SLC7A8: variants seen among roughly 807,000 people sequenced by gnomAD.
SLC7A8 encodes the protein solute carrier family 7 member 8.
SLC7A8 carries 30 observed loss-of-function variants against 51.2 expected under a neutral mutation model. The observed-to-expected ratio is 0.59, with a 90% confidence interval of 0.44 to 0.80. The LOEUF (loss-of-function observed/expected upper bound fraction) is 0.80. Among genes scored for constraint, SLC7A8 ranks in the 30% least tolerant of loss-of-function variants. The probability of loss-of-function intolerance (pLI) is 0.00; values close to 1 mark genes in which losing one functional copy is unlikely to be tolerated. For synonymous variants in SLC7A8, 257 were observed against 275.8 expected (o/e 0.93, Z 0.67); for missense variants, 612 against 674.4 (o/e 0.91, Z 1.03).
At chr14:23,137,859 A>G in intron 7 of SLC7A8, 62 bp downstream of exon 7, 1 of 1,589,236 alleles carries the variant, frequency 6.3e-7, no homozygotes, top group Non-Finnish European at 8.5e-7. Context: ...CCCACCATAT[A>G]CAAATAGCAA....
chr14:23,139,165 T>C (rs1025934176), intron 6 of SLC7A8, among the ~76,000 whole-genome samples: 5 of 152,318 alleles, frequency 3.3e-5, no homozygotes, highest in Non-Finnish European at 4.4e-5. Flanking sequence ...AAATGTCTTA[T>C]AGCTTCTCAG....
chr14:23,179,796 C>T (rs949326905), intron 1 of SLC7A8, among the ~76,000 whole-genome samples: 26 of 151,676 alleles, frequency 1.7e-4, no homozygotes, highest in East Asian at 3.9e-4. Context: ...GGCAACACAG[C>T]GAGACACTGT....
chr14:23,155,313 C>CT, intron 3 of SLC7A8: 1 of 1,535,778 alleles, frequency 6.5e-7, no homozygotes, highest in Non-Finnish European at 8.7e-7. Context: ...AGGCACACAG[C>CT]TTTTACCAAA....
Position 23,129,661 on chromosome 14 carries a change from G to T in SLC7A8, c.1252C>A (p.Arg418Ser), listed in dbSNP as rs146946494. 5 of 1,614,120 alleles carry T rather than the reference G, an allele frequency of 3.1e-6. No homozygotes were observed. In the Admixed American group the frequency reaches 8.3e-5, roughly 27 times the overall value. Residue 418 changes from arginine to serine, a missense_variant, in exon 9 of 11, where the codon CGC (arginine) becomes AGC (serine). Arg to Ser is a moderately radical substitution (Grantham distance 110). Coordinates refer to ENST00000316902, the MANE Select transcript of SLC7A8 (RefSeq NM_012244.4). Reference sequence around the variant, plus strand: ...GGAGTTTCTCTCACCTTGATGGGGCGGGGGATATCAGGCTTCTTCCAGCGA... The same window carrying T: ...GGAGTTTCTCTCACCTTGATGGGGCTGGGGATATCAGGCTTCTTCCAGCGA... ...VLRWKKPDIPRPIKINLLFPI... is the reference protein window; with the variant it reads ...VLRWKKPDIPSPIKINLLFPI...
At chr14:23,139,326 T>C in intron 6 of SLC7A8, 98 bp downstream of exon 6, 2 of 1,578,090 alleles carry the variant, frequency 1.3e-6, no homozygotes, top group East Asian at 2.3e-5. Flanking sequence ...GATTTCCACT[T>C]CCACAAGGCC....
rs1296036086 is a variant in SLC7A8, at chr14:23,127,168, T to A, written c.*9A>T. 1 of 1,613,834 alleles carries A rather than the reference T, an allele frequency of 6.2e-7. No individual in the cohort carries two copies. The highest frequency in any genetic ancestry group is 8.5e-7 in the Non-Finnish European group (1 of 1,179,814). ...GAGGAAGGAGAGAGTAGCCAGGGAA[T>A]GGTGGTCCTCAGGGCTGGGGCTGCC... On this transcript the variant is annotated 3_prime_UTR_variant, in exon 11 of 11. Coordinates refer to ENST00000316902, the MANE Select transcript of SLC7A8 (RefSeq NM_012244.4).
intron 1 of SLC7A8, among the ~76,000 whole-genome samples, chr14:23,182,005 AC>A (rs1417699767): frequency 6.6e-6 from 1 of 152,054 alleles, no homozygotes; most frequent in Admixed American, 6.5e-5. Context: ...CACATATTTT[AC>A]CCATCAGTTC....
chr14:23,135,122 C>G (rs2048676873), intron 7 of SLC7A8, among the ~76,000 whole-genome samples: 1 of 151,888 alleles, frequency 6.6e-6, no homozygotes, highest in African/African-American at 2.4e-5. Context: ...GAGTCTTGCT[C>G]TGTTGCCCAG....
intron 3 of SLC7A8, among the ~76,000 whole-genome samples, chr14:23,143,691 G>C (rs1284428535): frequency 6.6e-6 from 1 of 152,184 alleles, no homozygotes; most frequent in Non-Finnish European, 1.5e-5. Context: ...AAAGTGTACA[G>C]TTTGATGAGA....
chr14:23,165,491 A>G lies in SLC7A8; in HGVS notation c.357-55T>C. ...GGCATGGCAGGGACGCAGAGCCATC[A>G]GGGGAGAGCCCGGGCAAGTCATGCA... On this transcript the variant is annotated intron_variant, in intron 2 of 10. Transcript: ENST00000316902. The surrounding 1 kb of genome is among the most constrained non-coding windows in gnomAD (Gnocchi z 4.2). 3.3e-6 allele frequency: 5 copies of G among 1,532,110 alleles called. No homozygotes were observed. The highest frequency in any genetic ancestry group is 4.4e-6 in the Non-Finnish European group (5 of 1,147,746). 94.9% of individuals were successfully genotyped at this position (1,532,110 alleles called of 1,614,324 possible).
chr14:23,152,565 C>T (rs144384396), intron 3 of SLC7A8, among the ~76,000 whole-genome samples: 336 of 152,116 alleles, frequency 2.2e-3, no homozygotes, highest in African/African-American at 7.9e-3. Context: ...AGGTGTGTGC[C>T]ACCAGGCCCA....
At chr14:23,181,786 A>G (rs569277853) in intron 1 of SLC7A8, among the ~76,000 whole-genome samples, 17 of 152,358 alleles carry the variant, frequency 1.1e-4, no homozygotes, top group Admixed American at 5.2e-4. Context: ...ATAGCAGAAC[A>G]ATCTCTCACT....
intron 3 of SLC7A8, among the ~76,000 whole-genome samples, chr14:23,156,610 C>A (rs2048894583): frequency 6.6e-6 from 1 of 152,158 alleles, no homozygotes; most frequent in Non-Finnish European, 1.5e-5. Context: ...TGGGCCCTGG[C>A]TCCTCTGAGA....
At chr14:23,137,772 C>G in intron 7 of SLC7A8, 149 bp downstream of exon 7, 5 of 928,274 alleles carry the variant, frequency 5.4e-6, no homozygotes, top group Non-Finnish European at 6.4e-6. Flanking sequence ...CTGACACACA[C>G]GCCCTCATGT....
intron 1 of SLC7A8, among the ~76,000 whole-genome samples, chr14:23,175,323 C>T (rs1430438219): frequency 2.0e-5 from 3 of 152,200 alleles, no homozygotes; most frequent in Non-Finnish European, 4.4e-5. Context: ...ATTCTCGTGC[C>T]TCAGCCTTCG....
chr14:23,166,569 G>A, intron 1 of SLC7A8, 29 bp from the exon 2 acceptor site: 2 of 1,610,558 alleles, frequency 1.2e-6, no homozygotes, highest in South Asian at 2.2e-5. Context: ...GTAAGGAGGG[G>A]AGACAGTAGA....
intron 7 of SLC7A8, among the ~76,000 whole-genome samples, chr14:23,135,990 T>G (rs1295987418): frequency 6.6e-6 from 1 of 152,114 alleles, no homozygotes; most frequent in Non-Finnish European, 1.5e-5. Context: ...TTGGACCACT[T>G]TTTTCTTTTT....
chr14:23,171,953 C>T (rs576879223), intron 1 of SLC7A8, among the ~76,000 whole-genome samples: 3 of 152,326 alleles, frequency 2.0e-5, no homozygotes, highest in South Asian at 2.1e-4. Context: ...GAACACTGCT[C>T]TTCTGGATTT....
intron 3 of SLC7A8, among the ~76,000 whole-genome samples, chr14:23,149,391 C>A (rs1273238424): frequency 6.6e-6 from 1 of 152,180 alleles, no homozygotes; most frequent in Non-Finnish European, 1.5e-5. Flanking sequence ...CCCACACAAC[C>A]CAGATACGCA....
Sources: gnomAD v4.1 joint callset for allele counts (sites outside exome capture counted in the v4.1 genomes callset) on GRCh38, gnomAD v4.1.1 for gene constraint, Gnocchi (gnomAD v3.1) non-coding constraint, MANE v1.5 for transcripts, NCBI Gene and HGNC (gene_info 2026-07-23, HGNC 2026-07-21) for gene names.